The following CSGALNACT1 variants were observed in gnomAD, a reference collection of about 807,000 sequenced individuals.
The protein encoded by CSGALNACT1 is chondroitin sulfate N-acetylgalactosaminyltransferase 1.
Under a neutral mutation model 51.0 loss-of-function variants are expected in CSGALNACT1, and 52 were observed. The observed-to-expected ratio is 1.02, with a 90% CI of 0.82 to 1.29. CSGALNACT1 has a LOEUF of 1.29. CSGALNACT1 is among the 50% of genes most tolerant of loss of function. The probability of loss-of-function intolerance (pLI) is 0.00; values close to 1 mark genes in which losing one functional copy is unlikely to be tolerated. For missense variants in CSGALNACT1, 935 were observed against 679.2 expected, an observed-to-expected ratio of 1.38 and a Z score of -4.19; for synonymous variants, 341 against 254.4, an observed-to-expected ratio of 1.34 and a Z score of -3.24.
intron 1 of CSGALNACT1, among the ~76,000 whole-genome samples, chr8:19,615,291 A>G (rs2052845665): frequency 6.6e-6 from 1 of 152,208 alleles, no homozygotes; most frequent in African/African-American, 2.4e-5. Context: ...GGACAAAGTG[A>G]GACTCCATCT....
chr8:19,550,729 C>T (rs986499886), intron 3 of CSGALNACT1, among the ~76,000 whole-genome samples: 4 of 152,138 alleles, frequency 2.6e-5, no homozygotes, highest in South Asian at 2.1e-4. Flanking sequence ...CTTCAAATGT[C>T]TTCAACTGGT....
intron 1 of CSGALNACT1, among the ~76,000 whole-genome samples, chr8:19,752,464 C>T (rs12550831): frequency 6.6e-6 from 1 of 151,938 alleles, no homozygotes; most frequent in Admixed American, 6.6e-5. Flanking sequence ...TTAACTTTAG[C>T]ACGTTTCTAA....
intron 1 of CSGALNACT1, among the ~76,000 whole-genome samples, chr8:19,694,223 C>T (rs59187853): frequency 6.6e-6 from 1 of 152,140 alleles, no homozygotes; most frequent in East Asian, 1.9e-4. Context: ...TACAAAGATA[C>T]AACAGATGTA....
At chr8:19,486,282 T>C (rs535031335) in intron 4 of CSGALNACT1, among the ~76,000 whole-genome samples, 1 of 152,260 alleles carries the variant, frequency 6.6e-6, no homozygotes, top group East Asian at 1.9e-4. Flanking sequence ...CCAGCCACTC[T>C]CACCTGCTGC....
intron 4 of CSGALNACT1, among the ~76,000 whole-genome samples, chr8:19,461,549 G>C (rs1339823698): frequency 1.3e-5 from 2 of 150,140 alleles, no homozygotes; most frequent in African/African-American, 4.9e-5. Context: ...CATTCACCAT[G>C]GGGGGCGTAT....
At chr8:19,755,454 G>GAAAAA (rs2065296940) in intron 1 of CSGALNACT1, among the ~76,000 whole-genome samples, 1 of 8,354 alleles carries the variant, frequency 1.2e-4, no homozygotes, top group African/African-American at 4.3e-4. Context: ...TGTAAAGAAA[G>GAAAAA]ACAAAAAAAA....
intron 1 of CSGALNACT1, among the ~76,000 whole-genome samples, chr8:19,646,654 T>G (rs562961028): frequency 4.8e-4 from 73 of 152,300 alleles, no homozygotes; most frequent in South Asian, 3.1e-3. Flanking sequence ...AATCTCAGTG[T>G]TGCCCCCTTA....
At chr8:19,692,449 G>A (rs1272115845) in intron 1 of CSGALNACT1, among the ~76,000 whole-genome samples, 3 of 152,156 alleles carry the variant, frequency 2.0e-5, no homozygotes, top group Admixed American at 6.5e-5. Context: ...TACCTGGTGT[G>A]TTCAATGTCT....
chr8:19,693,589 T>C (rs925430605), intron 1 of CSGALNACT1, among the ~76,000 whole-genome samples: 1 of 152,124 alleles, frequency 6.6e-6, no homozygotes, highest in Non-Finnish European at 1.5e-5. Context: ...CCCAACTGAC[T>C]CAGCTCCCTA....
At chr8:19,703,535 C>A (rs1489424838) in intron 1 of CSGALNACT1, among the ~76,000 whole-genome samples, 1 of 152,162 alleles carries the variant, frequency 6.6e-6, no homozygotes, top group Non-Finnish European at 1.5e-5. Context: ...GATCTCCTGA[C>A]CTCATGATCC....
intron 5 of CSGALNACT1, among the ~76,000 whole-genome samples, chr8:19,454,062 T>C (rs1297889621): frequency 1.3e-5 from 2 of 152,226 alleles, no homozygotes; most frequent in Non-Finnish European, 2.9e-5. Context: ...CAAAGTAAAG[T>C]GGTCTTACAC....
chr8:19,653,329 C>T (rs374530401), intron 1 of CSGALNACT1, among the ~76,000 whole-genome samples: 7 of 152,156 alleles, frequency 4.6e-5, no homozygotes, highest in South Asian at 2.1e-4. Flanking sequence ...AGCAATCCTC[C>T]CCTCTCTGGA....
At chr8:19,513,125 T>A (rs1180739831) in intron 3 of CSGALNACT1, among the ~76,000 whole-genome samples, 6 of 152,156 alleles carry the variant, frequency 3.9e-5, no homozygotes, top group African/African-American at 1.4e-4. Context: ...CAAAAGTATC[T>A]CAAATCAGTT....
intron 6 of CSGALNACT1, among the ~76,000 whole-genome samples, chr8:19,435,205 A>G (rs1166856947): frequency 6.6e-6 from 1 of 152,164 alleles, no homozygotes; most frequent in Non-Finnish European, 1.5e-5. Context: ...ACATTAAAAT[A>G]ACTTTTTGGC....
intron 4 of CSGALNACT1, among the ~76,000 whole-genome samples, chr8:19,488,641 A>T (rs1271746906): frequency 6.6e-6 from 1 of 152,100 alleles, no homozygotes; most frequent in Non-Finnish European, 1.5e-5. Context: ...TGCTCTCCGC[A>T]AATTTCCACC....
chr8:19,682,734 G>C (rs1430802785), upstream of CSGALNACT1: 1 of 454,128 alleles, frequency 2.2e-6, no homozygotes, highest in Non-Finnish European at 4.4e-6. Context: ...CACAGCCTGA[G>C]CAAGGCTGCG....
At chr8:19,505,299 T>C in exon 4 of CSGALNACT1, 1 of 1,614,146 alleles carries the variant, frequency 6.2e-7, no homozygotes, top group Non-Finnish European at 8.5e-7. Flanking sequence ...TTCCACCAAC[T>C]CATCCCGCTT....
Position 19,428,709 on chromosome 8 carries a change from T to C in CSGALNACT1, c.954-8191A>G, listed in dbSNP as rs540258855. 5.3e-5 allele frequency among the ~76,000 whole-genome samples: 8 copies of C among 152,286 alleles called. No individual in the cohort carries two copies. In the South Asian group the frequency reaches 1.7e-3, roughly 32 times the overall value. The stretch of plus-strand genomic sequence containing the variant: ...CTTTTATGTCTTAAATAAACTACTA[T>C]ACAGCAGCACGTTCAATTTGGTTCC... On this transcript the variant is annotated intron_variant, in intron 6 of 9. Coordinates refer to ENST00000454498, the Ensembl canonical transcript of CSGALNACT1.
chr8:19,682,516 C>T (rs1564418681), exon 1 of CSGALNACT1: 3 of 398,820 alleles, frequency 7.5e-6, no homozygotes, highest in Non-Finnish European at 1.5e-5. Flanking sequence ...TCACCCCTGC[C>T]CGGGGACGTA....
Sources: allele counts gnomAD v4.1 joint callset (sites outside exome capture counted in the v4.1 genomes callset), GRCh38; gene constraint gnomAD v4.1.1; transcripts MANE v1.5; gene names NCBI Gene and HGNC (gene_info 2026-07-23, HGNC 2026-07-21).